Variants in ADGRL2 observed in about 807,000 individuals in gnomAD.
The protein encoded by ADGRL2 is calcium-independent alpha-latrotoxin receptor 2.
A neutral mutation model predicts 157.4 loss-of-function variants in ADGRL2; 44 were observed. That is an observed-to-expected ratio of 0.28 (90% confidence interval 0.22 to 0.36). The LOEUF (loss-of-function observed/expected upper bound fraction) is 0.36. Among genes scored for constraint, ADGRL2 ranks in the 10% least tolerant of loss-of-function variants. ADGRL2 has a pLI of 1.00. For synonymous variants in ADGRL2, 585 were observed against 624.7 expected, an observed-to-expected ratio of 0.94 and a Z score of 0.95; for missense variants, 1,510 against 1,768.9, an observed-to-expected ratio of 0.85 and a Z score of 2.63.
At chr1:81,966,880 G>A (rs1657208498) in intron 13 of ADGRL2, among the ~76,000 whole-genome samples, 1 of 152,170 alleles carries the variant, frequency 6.6e-6, no homozygotes, top group African/African-American at 2.4e-5. Flanking sequence ...ACAGGAAAAT[G>A]TAAATGACTC....
At chr1:81,325,461 G>A (rs145798304) in intron 1 of ADGRL2, among the ~76,000 whole-genome samples, 1 of 152,188 alleles carries the variant, frequency 6.6e-6, no homozygotes, top group African/African-American at 2.4e-5. Context: ...CACTGCAGGT[G>A]TTTGGTAAGT....
chr1:81,850,908 T>G (rs912166470), intron 2 of ADGRL2, among the ~76,000 whole-genome samples: 1 of 152,038 alleles, frequency 6.6e-6, no homozygotes, highest in South Asian at 2.1e-4. Flanking sequence ...TATTTCTGTA[T>G]TTTTCATAGT....
chr1:81,634,793 A>C (rs1192629879), intron 3 of ADGRL2, among the ~76,000 whole-genome samples: 1 of 152,102 alleles, frequency 6.6e-6, no homozygotes, highest in Non-Finnish European at 1.5e-5. Context: ...AAGTGCTGGG[A>C]TTACAAGCAT....
At chr1:81,950,727 T>C (rs1475432920) in intron 7 of ADGRL2, among the ~76,000 whole-genome samples, 2 of 152,176 alleles carry the variant, frequency 1.3e-5, no homozygotes, top group African/African-American at 4.8e-5. Flanking sequence ...CCCAAGACTC[T>C]AGTGAGTCTT....
At chr1:81,447,199 C>CT (rs35203600) in intron 2 of ADGRL2, among the ~76,000 whole-genome samples, 76,992 of 151,324 alleles carry the variant, frequency 0.51, 21,058 homozygotes, top group Non-Finnish European at 0.61. Context: ...ATACCATTCC[C>CT]AGATGATACT....
chr1:81,490,066 A>T (rs1248121995), intron 2 of ADGRL2, among the ~76,000 whole-genome samples: 2 of 152,220 alleles, frequency 1.3e-5, no homozygotes, highest in African/African-American at 4.8e-5. Context: ...AGCTAATATT[A>T]TAGTAACAAC....
intron 1 of ADGRL2, among the ~76,000 whole-genome samples, chr1:81,390,214 T>C: frequency 6.6e-6 from 1 of 152,308 alleles, no homozygotes; most frequent in East Asian, 1.9e-4. Context: ...TAATATTTTA[T>C]GAGCATGCGC....
intron 1 of ADGRL2, among the ~76,000 whole-genome samples, chr1:81,317,600 A>G (rs1004931001): frequency 6.6e-6 from 1 of 152,180 alleles, no homozygotes; most frequent in African/African-American, 2.4e-5. Flanking sequence ...AATAAAGTCA[A>G]GTTTGTCTCT....
Position 81,943,037 on chromosome 1 carries a change from G to C in ADGRL2, c.478G>C (p.Ala160Pro), listed in dbSNP as rs1159475329. The change falls in exon 6 of 24, where the codon GCG (alanine) becomes CCG (proline). Residue 160 changes from alanine to proline, a missense_variant. Ala to Pro is a conservative substitution (Grantham distance 27). Around this residue, in one of 4 missense-constraint regions of ADGRL2, gnomAD observed 361 missense variants for 498.4 expected, o/e 0.72. Transcript: ENST00000686636. The surrounding 1 kb of genome is among the most constrained non-coding windows in gnomAD (Gnocchi z 5.6). Reference protein sequence around the residue: ...SPCIYEAEQKAGAWCKDPLQA... With the variant: ...SPCIYEAEQKPGAWCKDPLQA... ...ATGTATATATGAAGCTGAACAAAAG[G>C]CGGGTGCTTGGTGCAAGGACCCTCT... 5 of 1,613,238 alleles carry C rather than the reference G, an allele frequency of 3.1e-6. No individual in the cohort carries two copies. The African/African-American group carries it at 4.0e-5, about 13-fold the overall frequency.
At chr1:81,920,195 G>T (rs1417692786) in intron 3 of ADGRL2, among the ~76,000 whole-genome samples, 1 of 152,100 alleles carries the variant, frequency 6.6e-6, no homozygotes, top group Non-Finnish European at 1.5e-5. Context: ...ATTAAAAGCT[G>T]CCTGTTAAGG....
In ADGRL2 at chr1:81,990,578, C is replaced by T. The variant is rs750531661; in HGVS notation, c.3843C>T (p.Asn1281=). ...KMIISELVHN[N]LRGSSKTHNL... is the part of the protein sequence containing the mutation. ...TCATTTCAGAATTAGTGCACAACAA[C>T]TTACGGGGCAGCAGCAAGACTCACA... The change falls in exon 24 of 24, where the codon AAC becomes AAT. Residue 1281 remains asparagine (N), a synonymous_variant. Coordinates refer to ENST00000686636, the MANE Select transcript of ADGRL2 (RefSeq NM_001366006.2). 1 of 1,614,154 alleles carries T rather than the reference C, an allele frequency of 6.2e-7. No homozygotes were observed.
At chr1:81,544,643 T>A (rs965820562) in intron 2 of ADGRL2, among the ~76,000 whole-genome samples, 1 of 152,182 alleles carries the variant, frequency 6.6e-6, no homozygotes, top group African/African-American at 2.4e-5. Context: ...ATGTCCTAAT[T>A]AATTTCCTTC....
chr1:81,978,117 A>G (rs1172924750), intron 17 of ADGRL2, among the ~76,000 whole-genome samples: 1 of 151,590 alleles, frequency 6.6e-6, no homozygotes, highest in African/African-American at 2.4e-5. Flanking sequence ...TTTAAAAAAT[A>G]ATTAGAGGTA....
intron 2 of ADGRL2, among the ~76,000 whole-genome samples, chr1:81,563,908 G>A (rs2080501219): frequency 6.6e-6 from 1 of 152,070 alleles, no homozygotes; most frequent in African/African-American, 2.4e-5. Flanking sequence ...GTTTTGTTTT[G>A]TCTTCATCAA....
intron 2 of ADGRL2, among the ~76,000 whole-genome samples, chr1:81,764,591 G>A (rs2149321072): frequency 6.6e-6 from 1 of 152,110 alleles, no homozygotes; most frequent in African/African-American, 2.4e-5. Flanking sequence ...TAAACTAGAA[G>A]GATTACTATA....
chr1:81,489,782 A>C (rs2078590364), intron 2 of ADGRL2, among the ~76,000 whole-genome samples: 1 of 152,228 alleles, frequency 6.6e-6, no homozygotes, highest in Non-Finnish European at 1.5e-5. Flanking sequence ...TAGAAATTGT[A>C]GAGGCCCAAC....
At chr1:81,888,540 G>T (rs1040971089) in intron 2 of ADGRL2, among the ~76,000 whole-genome samples, 1 of 152,240 alleles carries the variant, frequency 6.6e-6, no homozygotes, top group East Asian at 1.9e-4. Context: ...CTGGGTTCAC[G>T]CCATTCTCCC....
intron 1 of ADGRL2, among the ~76,000 whole-genome samples, chr1:81,400,491 T>C (rs965259602): frequency 7.9e-5 from 12 of 152,092 alleles, no homozygotes; most frequent in African/African-American, 2.9e-4. Flanking sequence ...CTGGGCCAAC[T>C]CTAGGGAAGA....
intron 3 of ADGRL2, among the ~76,000 whole-genome samples, chr1:81,617,661 C>G (rs898702078): frequency 8.5e-5 from 13 of 152,234 alleles, no homozygotes; most frequent in African/African-American, 2.7e-4. Context: ...AGAATCTTTT[C>G]CTTTTCGGGA....
Sources: gnomAD v4.1 joint callset for allele counts (sites outside exome capture counted in the v4.1 genomes callset) on GRCh38, gnomAD v4.1.1 for gene constraint, gnomAD v4.1.1 regional missense constraint, Gnocchi (gnomAD v3.1) non-coding constraint, MANE v1.5 for transcripts, NCBI Gene and HGNC (gene_info 2026-07-23, HGNC 2026-07-21) for gene names.